The following CLCA1 variants were observed in gnomAD, a reference collection of about 807,000 sequenced individuals.
CLCA1 encodes calcium-activated chloride channel regulator 1.
Under a neutral mutation model 85.6 loss-of-function variants are expected in CLCA1, and 59 were observed. That is an observed-to-expected ratio of 0.69 (90% CI 0.56 to 0.86). The LOEUF (loss-of-function observed/expected upper bound fraction) is 0.86. CLCA1 is among the 40% of genes least tolerant of loss of function. The probability of loss-of-function intolerance (pLI) is 0.00; values close to 1 mark genes in which losing one functional copy is unlikely to be tolerated. For synonymous variants in CLCA1, 396 were observed against 398.3 expected, an observed-to-expected ratio of 0.99 and a Z score of 0.07; for missense variants, 1,022 against 1,101.4, an observed-to-expected ratio of 0.93 and a Z score of 1.02.
chr1:86,473,922 T>C, intron 3 of CLCA1, 46 bp downstream of exon 3: 2 of 1,414,390 alleles, frequency 1.4e-6, no homozygotes, highest in Non-Finnish European at 1.9e-6. Context: ...AACTATTTTA[T>C]GTTCAAAGTG....
intron 4 of CLCA1, among the ~76,000 whole-genome samples, chr1:86,477,572 C>T (rs890691628): frequency 2.0e-5 from 3 of 152,076 alleles, no homozygotes; most frequent in Non-Finnish European, 2.9e-5. Flanking sequence ...GATACTAAAA[C>T]CTGACAAATG....
chr1:86,478,325 G>C (rs548208585), intron 4 of CLCA1, among the ~76,000 whole-genome samples: 1 of 152,182 alleles, frequency 6.6e-6, no homozygotes, highest in East Asian at 1.9e-4. Flanking sequence ...TACTCAGGAG[G>C]CTGAGGCAGG....
chr1:86,489,362 C>T (rs2101742544), intron 8 of CLCA1, among the ~76,000 whole-genome samples, 192 bp downstream of exon 8: 1 of 152,266 alleles, frequency 6.6e-6, no homozygotes, highest in African/African-American at 2.4e-5. Context: ...GTGTCTAGGA[C>T]TAAGGCAGCC....
rs545722219 is a variant in CLCA1, at chr1:86,485,642, A to G, written c.954+81A>G. ...GACCCTGACTCGGAACTAGTTGCGA[A>G]TAAACATAACCCGAGGGCCAGAATA... On this transcript the variant is annotated intron_variant, in intron 6 of 13. Coordinates refer to ENST00000394711, the MANE Select transcript of CLCA1 (RefSeq NM_001285.4). 111 of 1,271,514 alleles carry G rather than the reference A, an allele frequency of 8.7e-5. No homozygotes were observed. The South Asian group carries it at 1.3e-3, about 14-fold the overall frequency. The allele number at this position is 1,271,514 out of a possible 1,614,324, so 78.8% of individuals were successfully genotyped here. A position where few individuals can be genotyped will look rare whatever the true frequency, so the allele number is the denominator to read the frequency against.
At chr1:86,479,932 A>T (rs1281927071) in intron 4 of CLCA1, among the ~76,000 whole-genome samples, 6 of 152,202 alleles carry the variant, frequency 3.9e-5, no homozygotes, top group Admixed American at 2.0e-4. Context: ...GACATTACAC[A>T]TATGATAATT....
At chr1:86,478,737 A>G (rs1647744132) in intron 4 of CLCA1, among the ~76,000 whole-genome samples, 1 of 152,252 alleles carries the variant, frequency 6.6e-6, no homozygotes, top group Non-Finnish European at 1.5e-5. Context: ...TACATATACA[A>G]CACATTTTTC....
Position 86,469,031 on chromosome 1 carries a change from G to A in CLCA1, c.60G>A (p.Leu20=). 6.2e-7 allele frequency: 1 copy of A among 1,613,458 alleles called. No individual in the cohort carries two copies. Among genetic ancestry groups the A allele is most frequent in the Admixed American group, 1.7e-5 (1 of 59,954 alleles). Residue 20 remains leucine (L), a synonymous_variant, in exon 1 of 14, where the codon CTG becomes CTA. Transcript: ENST00000394711. ...TTCTTCACCTTCTAGAAGGGGCCCT[G>A]AGTAATTCACTCATTCAGCTGAACA... ...ILILHLLEGA[L]SNSLIQLNNN... is the part of the protein sequence containing the mutation.
intron 4 of CLCA1, among the ~76,000 whole-genome samples, chr1:86,481,758 A>G (rs1237031887): frequency 1.3e-5 from 2 of 152,236 alleles, no homozygotes; most frequent in Admixed American, 6.5e-5. Flanking sequence ...TAATACATGG[A>G]AACATTTAAA....
chr1:86,496,553 A>G (rs940580870), intron 12 of CLCA1, among the ~76,000 whole-genome samples: 1 of 152,096 alleles, frequency 6.6e-6, no homozygotes, highest in Non-Finnish European at 1.5e-5. Context: ...TTTTCCATCA[A>G]TCTCCACCCT....
rs1648416463 is a variant in CLCA1, at chr1:86,500,092, T to A, written c.*47T>A. ...ATAAAATAAATCATTCATCCTTTTT[T>A]TTGATTATAAAATTTTCTAAAATGT... On this transcript the variant is annotated 3_prime_UTR_variant, in exon 14 of 14. Transcript: ENST00000394711. The A allele has an allele frequency of 2.2e-6, 3 of 1,362,938 alleles. No homozygotes were observed. The highest frequency in any genetic ancestry group is 3.0e-6 in the Non-Finnish European group (3 of 988,470). 84.4% of individuals were successfully genotyped at this position (1,362,938 alleles called of 1,614,324 possible).
rs773357383 is a variant in CLCA1 at position 86,485,464 on chromosome 1, C to T, written c.857C>T (p.Thr286Ile). 2 of 1,614,170 alleles carry T rather than the reference C, an allele frequency of 1.2e-6. No individual in the cohort carries two copies. Among genetic ancestry groups the T allele is most frequent in the Non-Finnish European group, 1.7e-6 (2 of 1,180,028 alleles). ...GATTCTGAGGACTTTAAGAAAACCA[C>T]TCCTATGACAACACAGCCACCAAAT... ...IRDSEDFKKT[T>I]PMTTQPPNPT... The change falls in exon 6 of 14, where the codon ACT becomes ATT. Residue 286 changes from threonine to isoleucine, a missense_variant. Coordinates refer to ENST00000394711, the MANE Select transcript of CLCA1 (RefSeq NM_001285.4).
In CLCA1 at chr1:86,493,407, C is replaced by T. The variant is rs759484999; in HGVS notation, c.1488C>T (p.Leu496=). ...AGCTTGAGAGTAAGGGATTAACCCT[C>T]CAGAACAGCCAGTGGATGAATGGCA... ...SIQLESKGLT[L]QNSQWMNGTV... is the part of the protein sequence containing the mutation. Residue 496 remains leucine, a synonymous_variant, in exon 10 of 14, where the codon CTC becomes CTT. Coordinates refer to ENST00000394711, the MANE Select transcript of CLCA1 (RefSeq NM_001285.4). 2 of 1,613,942 alleles carry T rather than the reference C, an allele frequency of 1.2e-6. No individual in the cohort carries two copies. The highest frequency in any genetic ancestry group is 1.7e-6 in the Non-Finnish European group (2 of 1,179,902).
chr1:86,485,485 C>T lies in CLCA1; in HGVS notation c.878C>T (p.Pro293Leu). The T allele has an allele frequency of 6.2e-7, 1 of 1,614,130 alleles. No homozygotes were observed. Among genetic ancestry groups the T allele is most frequent in the Non-Finnish European group, 8.5e-7 (1 of 1,180,008 alleles). ...ACCACTCCTATGACAACACAGCCAC[C>T]AAATCCCACCTTCTCATTGCTGCAG... ...KKTTPMTTQPPNPTFSLLQIG... is the reference protein window; with the variant it reads ...KKTTPMTTQPLNPTFSLLQIG... Residue 293 changes from proline to leucine, a missense_variant, in exon 6 of 14, where the codon CCA becomes CTA. Physicochemically the swap from Pro to Leu is moderately conservative, Grantham distance 98 (BLOSUM62 -3). Coordinates refer to ENST00000394711, the MANE Select transcript of CLCA1 (RefSeq NM_001285.4).
chr1:86,469,585 T>C (rs1647443082), intron 1 of CLCA1, among the ~76,000 whole-genome samples: 1 of 152,190 alleles, frequency 6.6e-6, no homozygotes, highest in African/African-American at 2.4e-5. Context: ...ATCTCTGATA[T>C]AAGAACAACC....
chr1:86,484,846 G>A (rs1458181502), intron 5 of CLCA1, among the ~76,000 whole-genome samples: 1 of 101,706 alleles, frequency 9.8e-6, no homozygotes, highest in African/African-American at 2.7e-5. Flanking sequence ...GGAGCAGATG[G>A]GAGAAAAGTG....
At chr1:86,497,202 T>C (rs1648314743) in intron 12 of CLCA1, among the ~76,000 whole-genome samples, 1 of 152,236 alleles carries the variant, frequency 6.6e-6, no homozygotes, top group African/African-American at 2.4e-5. Context: ...TAACTAATAG[T>C]GTTAGTGCCT....
intron 1 of CLCA1, 139 bp downstream of exon 1, chr1:86,469,272 G>T: frequency 3.4e-6 from 2 of 585,398 alleles, no homozygotes; most frequent in Non-Finnish European, 2.9e-6. Context: ...TCTGTAAAAT[G>T]GAAATAATAA....
chr1:86,476,182 C>T (rs1647630766), intron 3 of CLCA1, among the ~76,000 whole-genome samples: 1 of 152,160 alleles, frequency 6.6e-6, no homozygotes, highest in South Asian at 2.1e-4. Flanking sequence ...TCCACTACAC[C>T]AGGAGCTATG....
intron 8 of CLCA1, among the ~76,000 whole-genome samples, chr1:86,490,718 T>C (rs1231825969): frequency 6.6e-6 from 1 of 152,054 alleles, no homozygotes; most frequent in African/African-American, 2.4e-5. Context: ...GCTTTGCAGA[T>C]AGTTGAAGTA....
Sources: gnomAD v4.1 joint callset for allele counts (sites outside exome capture counted in the v4.1 genomes callset) on GRCh38, gnomAD v4.1.1 for gene constraint, MANE v1.5 for transcripts, NCBI Gene and HGNC (gene_info 2026-07-23, HGNC 2026-07-21) for gene names.